NLGN1: variants seen among roughly 807,000 people sequenced by gnomAD.
The protein encoded by NLGN1 is neuroligin-1.
NLGN1 carries 12 observed loss-of-function variants against 65.5 expected under a neutral mutation model. That is an observed-to-expected ratio of 0.18 (90% CI 0.12 to 0.30). The LOEUF (loss-of-function observed/expected upper bound fraction) is 0.30. Ranked by LOEUF, NLGN1 falls within the 10% of genes least tolerant of loss-of-function variation. NLGN1 has a pLI of 1.00. For synonymous variants in NLGN1, 350 were observed against 359.5 expected (o/e 0.97, Z 0.30); for missense variants, 750 against 1,007.1 (o/e 0.74, Z 3.46).
At chr3:173,492,839 C>A (rs1729404925) in intron 2 of NLGN1, among the ~76,000 whole-genome samples, 2 of 151,680 alleles carry the variant, frequency 1.3e-5, no homozygotes, top group African/African-American at 4.9e-5. Flanking sequence ...GTGAATAAAT[C>A]ATGCTAGAGA....
chr3:173,788,833 TAA>T (rs3979635), intron 3 of NLGN1, among the ~76,000 whole-genome samples: 27,959 of 51,524 alleles, frequency 0.54, 7,947 homozygotes, highest in Non-Finnish European at 0.66. Context: ...AGACCTCATT[TAA>T]AAAAAAAAAA....
chr3:173,593,873 G>A (rs1376103046), intron 2 of NLGN1, among the ~76,000 whole-genome samples: 2 of 152,166 alleles, frequency 1.3e-5, no homozygotes, highest in Non-Finnish European at 2.9e-5. Context: ...GAGAAAATGA[G>A]GAAGATGCAA....
intron 4 of NLGN1, among the ~76,000 whole-genome samples, chr3:174,099,171 C>T (rs537214525): frequency 1.3e-5 from 2 of 152,158 alleles, no homozygotes; most frequent in Non-Finnish European, 2.9e-5. Flanking sequence ...CGTTTTAGTC[C>T]CAGCTATGCC....
chr3:173,942,162 GTATA>G (rs1172705163), intron 4 of NLGN1, among the ~76,000 whole-genome samples: 1 of 150,196 alleles, frequency 6.7e-6, no homozygotes, highest in Admixed American at 6.7e-5. Context: ...GTGTGTATGT[GTATA>G]TATAATATGT....
chr3:174,227,240 A>G (rs1370063051), intron 4 of NLGN1, among the ~76,000 whole-genome samples: 2 of 152,228 alleles, frequency 1.3e-5, no homozygotes, highest in Non-Finnish European at 2.9e-5. Context: ...TTTAAATATT[A>G]TGAATTCATT....
chr3:174,011,830 A>G (rs1471111243), intron 4 of NLGN1, among the ~76,000 whole-genome samples: 1 of 151,544 alleles, frequency 6.6e-6, no homozygotes, highest in Non-Finnish European at 1.5e-5. Flanking sequence ...ATCAGAGAAC[A>G]AAACCTAAGA....
intron 4 of NLGN1, among the ~76,000 whole-genome samples, chr3:173,945,898 G>A (rs1054648463): frequency 6.6e-6 from 1 of 152,182 alleles, no homozygotes; most frequent in African/African-American, 2.4e-5. Context: ...TGTGAAAATA[G>A]ACTGTGCTTC....
chr3:174,076,736 T>A (rs1393705905), intron 4 of NLGN1, among the ~76,000 whole-genome samples: 33 of 149,688 alleles, frequency 2.2e-4, no homozygotes, highest in African/African-American at 7.1e-4. Context: ...TGTGTGTGTG[T>A]GTGTGTGTGT....
intron 4 of NLGN1, among the ~76,000 whole-genome samples, chr3:173,852,095 G>A (rs778067676): frequency 4.7e-4 from 71 of 151,884 alleles, no homozygotes; most frequent in Non-Finnish European, 9.1e-4. Flanking sequence ...GGTGGCTCAC[G>A]CCTGTAATCC....
intron 4 of NLGN1, among the ~76,000 whole-genome samples, chr3:173,933,085 A>T (rs1407467138): frequency 6.6e-6 from 1 of 152,166 alleles, no homozygotes; most frequent in Non-Finnish European, 1.5e-5. Context: ...AGAAAACCTT[A>T]AGAGAAAGTA....
At chr3:174,250,922 C>T (rs1204123466) in intron 4 of NLGN1, among the ~76,000 whole-genome samples, 1 of 151,912 alleles carries the variant, frequency 6.6e-6, no homozygotes, top group East Asian at 1.9e-4. Context: ...TTTTGTTTTA[C>T]TGTTGAGCAC....
At chr3:174,102,443 G>A (rs1712751014) in intron 4 of NLGN1, among the ~76,000 whole-genome samples, 1 of 152,076 alleles carries the variant, frequency 6.6e-6, no homozygotes, top group African/African-American at 2.4e-5. Context: ...TGTGGAAAAG[G>A]GGTAGAATTA....
chr3:173,639,616 C>T (rs115908007), intron 3 of NLGN1, among the ~76,000 whole-genome samples: 82 of 152,278 alleles, frequency 5.4e-4, no homozygotes, highest in African/African-American at 1.9e-3. Context: ...ATGATCAGAA[C>T]AAGACTTAGC....
intron 3 of NLGN1, among the ~76,000 whole-genome samples, chr3:173,641,476 T>A (rs575394048): frequency 1.3e-5 from 2 of 152,334 alleles, no homozygotes; most frequent in African/African-American, 4.8e-5. Context: ...TTTGTATTTT[T>A]AGTAGAGACA....
intron 4 of NLGN1, among the ~76,000 whole-genome samples, chr3:174,263,939 A>C (rs1285929530): frequency 2.0e-5 from 3 of 150,984 alleles, no homozygotes; most frequent in Non-Finnish European, 4.4e-5. Context: ...TCCTTCACTT[A>C]TGAAGCTTAG....
intron 3 of NLGN1, among the ~76,000 whole-genome samples, chr3:173,719,106 C>G (rs1487343345): frequency 6.6e-6 from 1 of 152,150 alleles, no homozygotes; most frequent in Admixed American, 6.6e-5. Context: ...AAGCAAAGCA[C>G]TATTCCAGGC....
chr3:173,494,745 G>A (rs1281411473), intron 2 of NLGN1, among the ~76,000 whole-genome samples: 2 of 151,664 alleles, frequency 1.3e-5, no homozygotes, highest in Non-Finnish European at 2.9e-5. Context: ...ATTTCCATAC[G>A]AATGTTGTTA....
At chr3:174,248,341 A>G (rs1002334317) in intron 4 of NLGN1, among the ~76,000 whole-genome samples, 2 of 152,196 alleles carry the variant, frequency 1.3e-5, no homozygotes, top group African/African-American at 4.8e-5. Flanking sequence ...AGTCAGGCAA[A>G]TAGACAGTTG....
intron 4 of NLGN1, among the ~76,000 whole-genome samples, chr3:173,825,699 C>G (rs900167941): frequency 1.3e-5 from 2 of 151,964 alleles, no homozygotes; most frequent in Admixed American, 1.3e-4. Flanking sequence ...AGGATTAGAT[C>G]TAAGAAATGG....
Sources: gnomAD v4.1 joint callset for allele counts (sites outside exome capture counted in the v4.1 genomes callset) on GRCh38, gnomAD v4.1.1 for gene constraint, MANE v1.5 for transcripts, NCBI Gene and HGNC (gene_info 2026-07-23, HGNC 2026-07-21) for gene names.